CDH13: variants seen among roughly 807,000 people sequenced by gnomAD.
CDH13 encodes the protein cadherin-13.
Under a neutral mutation model 63.8 loss-of-function variants are expected in CDH13, and 24 were observed. The ratio of observed to expected loss-of-function variants is 0.38; its 90% confidence interval spans 0.27 to 0.53. The LOEUF is 0.53. CDH13 is among the 20% of genes least tolerant of loss of function. The pLI, the probability that CDH13 is intolerant of heterozygous loss-of-function variation, is 0.85. For missense variants in CDH13, 1,049 were observed against 903.1 expected, an observed-to-expected ratio of 1.16 and a Z score of -2.07; for synonymous variants, 503 against 355.3, an observed-to-expected ratio of 1.42 and a Z score of -4.67.
chr16:83,634,083 C>G (rs1056010719), intron 8 of CDH13, among the ~76,000 whole-genome samples: 3 of 151,440 alleles, frequency 2.0e-5, no homozygotes, highest in African/African-American at 7.3e-5. Context: ...ATTAACCAGA[C>G]CTCACGAAGT....
At chr16:83,013,219 A>G (rs550480074) in intron 2 of CDH13, among the ~76,000 whole-genome samples, 14 of 152,250 alleles carry the variant, frequency 9.2e-5, no homozygotes, top group Non-Finnish European at 1.9e-4. Context: ...GCAGCCATAT[A>G]CATGTAGGTG....
chr16:83,237,635 G>A (rs1420858678), intron 5 of CDH13, among the ~76,000 whole-genome samples: 2 of 152,226 alleles, frequency 1.3e-5, no homozygotes, highest in Non-Finnish European at 1.5e-5. Context: ...GAATGTCACA[G>A]GTGAAAACTG....
chr16:82,998,660 A>T (rs973730052), intron 2 of CDH13, among the ~76,000 whole-genome samples: 2 of 152,172 alleles, frequency 1.3e-5, no homozygotes, highest in Non-Finnish European at 2.9e-5. Flanking sequence ...ATGAATTAGC[A>T]GACATTGATC....
chr16:83,043,403 ATGT>A (rs1917493636), intron 3 of CDH13, among the ~76,000 whole-genome samples: 2 of 152,226 alleles, frequency 1.3e-5, no homozygotes, highest in South Asian at 4.1e-4. Context: ...AAAGCCACGT[ATGT>A]CATTTAAAGT....
intron 4 of CDH13, among the ~76,000 whole-genome samples, chr16:83,202,247 T>C (rs1003429976): frequency 3.3e-5 from 5 of 152,090 alleles, no homozygotes; most frequent in Non-Finnish European, 5.9e-5. Flanking sequence ...GGGACTGACA[T>C]AGTGCTAGGC....
At chr16:83,030,051 G>A (rs797007004) in intron 2 of CDH13, among the ~76,000 whole-genome samples, 7 of 152,246 alleles carry the variant, frequency 4.6e-5, no homozygotes, top group African/African-American at 1.4e-4. Flanking sequence ...AATCACCATT[G>A]AGGGGAGCAT....
At chr16:83,288,241 A>T (rs2089372981) in intron 5 of CDH13, among the ~76,000 whole-genome samples, 1 of 152,068 alleles carries the variant, frequency 6.6e-6, no homozygotes, top group Admixed American at 6.6e-5. Context: ...TAGCTAACTC[A>T]CTCTTAGCGC....
At chr16:82,893,246 C>A (rs1196026179) in intron 2 of CDH13, among the ~76,000 whole-genome samples, 1 of 152,238 alleles carries the variant, frequency 6.6e-6, no homozygotes, top group Non-Finnish European at 1.5e-5. Context: ...CACACAAATA[C>A]ATACACATAT....
chr16:82,882,981 A>G (rs956879558), intron 2 of CDH13, among the ~76,000 whole-genome samples: 2 of 152,180 alleles, frequency 1.3e-5, no homozygotes, highest in East Asian at 1.9e-4. Flanking sequence ...TGTAATGTGT[A>G]GAGGTCTAAA....
At chr16:83,560,334 C>A (rs1257579985) in intron 7 of CDH13, among the ~76,000 whole-genome samples, 1 of 152,230 alleles carries the variant, frequency 6.6e-6, no homozygotes, top group Non-Finnish European at 1.5e-5. Flanking sequence ...TGGAACACTA[C>A]TCAGCCTTTA....
chr16:83,613,624 A>G (rs1169351616), intron 8 of CDH13, among the ~76,000 whole-genome samples: 1 of 152,118 alleles, frequency 6.6e-6, no homozygotes, highest in East Asian at 1.9e-4. Flanking sequence ...TGAGGTCAGG[A>G]GTTCAACACC....
intron 6 of CDH13, among the ~76,000 whole-genome samples, chr16:83,451,225 A>T (rs553434675): frequency 7.9e-4 from 120 of 152,358 alleles, no homozygotes; most frequent in African/African-American, 2.6e-3. Flanking sequence ...AATGACTCAC[A>T]GTTCCACATG....
intron 1 of CDH13, among the ~76,000 whole-genome samples, chr16:82,661,527 T>C (rs1214321678): frequency 6.6e-6 from 1 of 152,200 alleles, no homozygotes; most frequent in African/African-American, 2.4e-5. Flanking sequence ...TTAGCGCAGG[T>C]GTTCCCTTGG....
intron 1 of CDH13, among the ~76,000 whole-genome samples, chr16:82,696,394 T>G (rs541435726): frequency 2.3e-4 from 35 of 152,220 alleles, no homozygotes; most frequent in Non-Finnish European, 4.1e-4. Context: ...TTAATTGTAT[T>G]CAAAAGTAAA....
intron 6 of CDH13, among the ~76,000 whole-genome samples, chr16:83,378,847 G>A (rs1335459026): frequency 6.6e-6 from 1 of 152,098 alleles, no homozygotes; most frequent in East Asian, 1.9e-4. Flanking sequence ...ATCATCATAG[G>A]ATTCAGCTAG....
chr16:83,058,135 T>C (rs557372475), intron 3 of CDH13, among the ~76,000 whole-genome samples: 2 of 152,284 alleles, frequency 1.3e-5, no homozygotes, highest in South Asian at 2.1e-4. Context: ...AAATACAAAG[T>C]TAGTTTGTTG....
chr16:82,721,106 C>A (rs957887054), intron 1 of CDH13, among the ~76,000 whole-genome samples: 4 of 152,182 alleles, frequency 2.6e-5, no homozygotes, highest in African/African-American at 9.6e-5. Context: ...TTAATTTATT[C>A]AATGACCAGT....
chr16:83,201,743 T>G (rs868271478), intron 4 of CDH13, among the ~76,000 whole-genome samples: 12 of 146,464 alleles, frequency 8.2e-5, no homozygotes, highest in African/African-American at 2.6e-5. Flanking sequence ...TAAAAAAAAA[T>G]TAAAAAAAAA....
At chr16:83,709,961 T>C (rs1188622355) in intron 10 of CDH13, among the ~76,000 whole-genome samples, 2 of 146,118 alleles carry the variant, frequency 1.4e-5, no homozygotes, top group Admixed American at 1.4e-4. Flanking sequence ...AGTCTTGGAT[T>C]TCTCCAAATA....
Sources: allele counts gnomAD v4.1 joint callset (sites outside exome capture counted in the v4.1 genomes callset), GRCh38; gene constraint gnomAD v4.1.1; transcripts MANE v1.5; gene names NCBI Gene and HGNC (gene_info 2026-07-23, HGNC 2026-07-21).